ZFYVE16: variants seen among roughly 807,000 people sequenced by gnomAD.
ZFYVE16 encodes the protein zinc finger FYVE-type containing 16, also known as zinc finger FYVE domain-containing protein 16.
A neutral mutation model predicts 138.1 loss-of-function variants in ZFYVE16; 89 were observed. The ratio of observed to expected loss-of-function variants is 0.64; its 90% CI spans 0.54 to 0.77. The LOEUF (loss-of-function observed/expected upper bound fraction) is 0.77, where lower values mean the gene tolerates loss of function less well. Ranked by LOEUF, ZFYVE16 falls within the 30% of genes least tolerant of loss-of-function variation. The probability of loss-of-function intolerance (pLI) is 0.00; values close to 1 mark genes in which losing one functional copy is unlikely to be tolerated. For missense variants in ZFYVE16, 1,793 were observed against 1,786.7 expected (o/e 1.00, Z -0.06); for synonymous variants, 596 against 618.3 (o/e 0.96, Z 0.53).
chr5:80,422,361 A>T (rs1353143263), intron 1 of ZFYVE16, among the ~76,000 whole-genome samples: 1 of 152,178 alleles, frequency 6.6e-6, no homozygotes, highest in Admixed American at 6.6e-5. Flanking sequence ...TGTTAATTGT[A>T]GATATTTTAT....
chr5:80,447,599 T>C (rs1751519416), intron 7 of ZFYVE16, among the ~76,000 whole-genome samples: 5 of 152,230 alleles, frequency 3.3e-5, no homozygotes, highest in Admixed American at 3.3e-4. Context: ...GCTAACGCAC[T>C]GCTTCCTAAC....
In ZFYVE16 at chr5:80,445,369, T is replaced by G. The variant is rs377385744; in HGVS notation, c.2688T>G (p.Ser896=). The change falls in exon 7 of 19, where the codon TCT becomes TCG. Residue 896 remains serine, a synonymous_variant. Transcript: ENST00000505560. Reference sequence around the variant, plus strand: ...TATCATCTGGAAGTAAAAGATGTTCTGAAGACTTTAGTCCTCTCTCACCTG... The same window carrying G: ...TATCATCTGGAAGTAAAAGATGTTCGGAAGACTTTAGTCCTCTCTCACCTG... ...TKLSSGSKRC[S]EDFSPLSPDV... 1.2e-6 allele frequency: 2 copies of G among 1,613,980 alleles called. No homozygotes were observed. The highest frequency in any genetic ancestry group is 2.7e-5 in the African/African-American group (2 of 75,046).
At chr5:80,440,779 A>G (rs1750623176) in intron 5 of ZFYVE16, 1 of 983,000 alleles carries the variant, frequency 1.0e-6, no homozygotes, top group East Asian at 1.2e-4. Context: ...TGACAGTTTA[A>G]TTCCTAGCAA....
Position 80,438,049 on chromosome 5 carries a change from A to T in ZFYVE16, c.1364A>T (p.Lys455Met). Residue 455 changes from lysine (K) to methionine (M), a missense_variant, in exon 4 of 19, where the codon AAG (lysine) becomes ATG (methionine). Around this residue, in one of 2 missense-constraint regions of ZFYVE16, gnomAD observed 1,295 missense variants for 1,204.3 expected, o/e 1.08. Transcript: ENST00000505560. The part of the protein sequence containing the change: ...QSLIEGMEDR[K>M]IDPDQTVIRA... ...TTAATTGAAGGGATGGAAGACAGAA[A>T]GATAGATCCTGACCAGACAGTAATC... 1 of 1,613,348 alleles carries T rather than the reference A, an allele frequency of 6.2e-7. No individual in the cohort carries two copies. Among genetic ancestry groups the T allele is most frequent in the Non-Finnish European group, 8.5e-7 (1 of 1,179,872 alleles).
intron 2 of ZFYVE16, among the ~76,000 whole-genome samples, chr5:80,432,513 G>C (rs1237622740): frequency 6.6e-6 from 1 of 152,130 alleles, no homozygotes; most frequent in Non-Finnish European, 1.5e-5. Context: ...TACCATTCAG[G>C]ACATAGGCAT....
intron 15 of ZFYVE16, among the ~76,000 whole-genome samples, chr5:80,461,705 G>C (rs1168768688): frequency 6.6e-6 from 1 of 152,124 alleles, no homozygotes. Context: ...GCTGGGTGTG[G>C]TGGGTCACAC....
chr5:80,463,406 C>T (rs147569477), intron 15 of ZFYVE16, among the ~76,000 whole-genome samples: 4 of 152,226 alleles, frequency 2.6e-5, no homozygotes, highest in Admixed American at 6.5e-5. Flanking sequence ...CCTTTAGCCA[C>T]GAGTGGGACA....
At chr5:80,455,340 C>A in intron 11 of ZFYVE16, 1 of 234,516 alleles carries the variant, frequency 4.3e-6, no homozygotes. Context: ...TTGAGATCAG[C>A]CTGGTCAACA....
chr5:80,451,558 C>T lies in ZFYVE16; in HGVS notation c.3456C>T (p.Phe1152=), dbSNP rs758896367. The change falls in exon 11 of 19, where the codon TTC becomes TTT. Residue 1152 remains phenylalanine (F), a synonymous_variant. Transcript: ENST00000505560. ...TCAGTAGCAAGGATCACGGAGGATTCCTGTTTATTACACCTACTTTTCAGA... is the reference window on the plus strand; with the variant it reads ...TCAGTAGCAAGGATCACGGAGGATTTCTGTTTATTACACCTACTTTTCAGA... ...SFLSSKDHGG[F]LFITPTFQKL... 1.2e-6 allele frequency: 2 copies of T among 1,613,726 alleles called. No individual in the cohort carries two copies. The highest frequency in any genetic ancestry group is 4.5e-5 in the East Asian group (2 of 44,812).
chr5:80,440,032 G>A lies in ZFYVE16; in HGVS notation c.2419G>A (p.Ala807Thr). ...CVVCYETISKAQAFERMMSPT... is the reference protein window; with the variant it reads ...CVVCYETISKTQAFERMMSPT... ...AGTCTGCTATGAAACTATTAGTAAAGGTGAGTATTAACTTGATATATTTTC... is the reference window on the plus strand; with the variant it reads ...AGTCTGCTATGAAACTATTAGTAAAAGTGAGTATTAACTTGATATATTTTC... The change falls in exon 5 of 19, where the codon GCT (alanine) becomes ACT (threonine). Residue 807 changes from alanine to threonine, a missense_variant and splice_region_variant. Ala to Thr is a moderately conservative substitution (Grantham distance 58). Coordinates refer to ENST00000505560, the MANE Select transcript of ZFYVE16 (RefSeq NM_001284236.3). 1 of 1,603,670 alleles carries A rather than the reference G, an allele frequency of 6.2e-7. No homozygotes were observed. Among genetic ancestry groups the A allele is most frequent in the Non-Finnish European group, 8.5e-7 (1 of 1,175,312 alleles).
Position 80,459,513 on chromosome 5 carries a change from A to C in ZFYVE16, c.4024+19A>C. 6.3e-7 allele frequency: 1 copy of C among 1,596,538 alleles called. No homozygotes were observed. Among genetic ancestry groups the C allele is most frequent in the Non-Finnish European group, 8.6e-7 (1 of 1,169,178 alleles). On this transcript the variant is annotated intron_variant, in intron 15 of 18. Transcript: ENST00000505560. ...GTTGAAGGTATGAATTTCATTTTTAATGGTGTTTTAATGTAGAGTTATTTT... is the reference window on the plus strand; with the variant it reads ...GTTGAAGGTATGAATTTCATTTTTACTGGTGTTTTAATGTAGAGTTATTTT...
intron 6 of ZFYVE16, 69 bp downstream of exon 6, chr5:80,443,353 G>C: frequency 6.5e-7 from 1 of 1,527,752 alleles, no homozygotes; most frequent in Non-Finnish European, 8.8e-7. Context: ...AATGTAGCCA[G>C]AGTCTAGTCA....
In ZFYVE16 at chr5:80,436,866, G is replaced by T; in HGVS notation, c.181G>T (p.Glu61Ter). 6.2e-7 allele frequency: 1 copy of T among 1,614,130 alleles called. No homozygotes were observed. Among genetic ancestry groups the T allele is most frequent in the Non-Finnish European group, 8.5e-7 (1 of 1,180,018 alleles). Reference protein sequence around the residue: ...QRTSLLPKDQECVNSCASSET... With the variant: ...QRTSLLPKDQ ...AACTTCATTGCTCCCAAAAGACCAA[G>T]AGTGCGTTAATAGTTGTGCCTCATC... Residue 61 changes from glutamate to a stop codon, truncating the protein, a stop_gained, in exon 4 of 19, where the codon GAG becomes TAG. Coordinates refer to ENST00000505560, the MANE Select transcript of ZFYVE16 (RefSeq NM_001284236.3). LOFTEE classifies it high-confidence loss of function.
chr5:80,471,673 C>T (rs1457172070), intron 15 of ZFYVE16, among the ~76,000 whole-genome samples: 2 of 152,188 alleles, frequency 1.3e-5, no homozygotes, highest in African/African-American at 4.8e-5. Context: ...TGCCTAGGAA[C>T]AAAGAGAGCG....
rs139858577 is a variant in ZFYVE16, at chr5:80,434,495, G to T, written c.70+278G>T. ...TTTCTTTTCTTTTCTTTTTATTTTT[G>T]AGACAAAGTCTCATTCTGTCTCCCA... On this transcript the variant is annotated intron_variant, in intron 3 of 18. Transcript: ENST00000505560. 4.6e-3 allele frequency among the ~76,000 whole-genome samples: 705 copies of T among 151,752 alleles called. 3 individuals are homozygous for T. Among genetic ancestry groups the T allele is most frequent in the African/African-American group, 0.016 (644 of 41,354 alleles).
In ZFYVE16 at chr5:80,479,748, C is replaced by A. The variant is rs374380190; in HGVS notation, c.*2371C>A. ...AGAGAATAAGAGAAGCAAGCATGTA[C>A]CCTTACTCTGACAACCTTATGAGTG... On this transcript the variant is annotated 3_prime_UTR_variant, in exon 19 of 19. Transcript: ENST00000505560. 2.6e-5 allele frequency among the ~76,000 whole-genome samples: 4 copies of A among 152,140 alleles called. No homozygotes were observed. The highest frequency in any genetic ancestry group is 9.7e-5 in the African/African-American group (4 of 41,422).
At chr5:80,415,534 G>C (rs1426002126) in intron 1 of ZFYVE16, among the ~76,000 whole-genome samples, 1 of 152,096 alleles carries the variant, frequency 6.6e-6, no homozygotes, top group African/African-American at 2.4e-5. Flanking sequence ...TTACTGCTCA[G>C]GTGTTTTGTA....
chr5:80,420,823 G>A (rs1307964543), intron 1 of ZFYVE16, among the ~76,000 whole-genome samples: 1 of 152,180 alleles, frequency 6.6e-6, no homozygotes, highest in Non-Finnish European at 1.5e-5. Context: ...TAATGGGATG[G>A]CTGGGTCAAA....
At position 80,443,154 on chromosome 5, in the gene ZFYVE16, T is replaced by A. The variant is rs1166206798; in HGVS notation, c.2451T>A (p.Thr817=). ...AQAFERMMSP[T]GSNLKSNHSD... ...CATTTGAAAGGATGATGAGTCCAAC[T>A]GGTTCTAATCTTAAGTCTAATCATT... Residue 817 remains threonine, a synonymous_variant, in exon 6 of 19, where the codon ACT becomes ACA. Coordinates refer to ENST00000505560, the MANE Select transcript of ZFYVE16 (RefSeq NM_001284236.3). 1.6e-5 allele frequency: 25 copies of A among 1,585,556 alleles called. No individual in the cohort carries two copies. Among genetic ancestry groups the A allele is most frequent in the Non-Finnish European group, 1.8e-5 (21 of 1,172,828 alleles).
Sources: allele counts gnomAD v4.1 joint callset (sites outside exome capture counted in the v4.1 genomes callset), GRCh38; gene constraint gnomAD v4.1.1; regional missense constraint gnomAD v4.1.1; transcripts MANE v1.5; gene names NCBI Gene and HGNC (gene_info 2026-07-23, HGNC 2026-07-21).